Variants in GPHN observed in about 807,000 individuals in gnomAD.
The protein encoded by GPHN is gephyrin.
In GPHN, 17 loss-of-function variants were observed where a neutral mutation model predicts 95.5. The observed-to-expected ratio is 0.18, with a 90% confidence interval of 0.12 to 0.27. The LOEUF (loss-of-function observed/expected upper bound fraction) is 0.27, where lower values mean the gene tolerates loss of function less well. Ranked by LOEUF, GPHN falls within the 10% of genes least tolerant of loss-of-function variation. The pLI is 1.00. For synonymous variants in GPHN, 320 were observed against 322.5 expected (o/e 0.99, Z 0.08); for missense variants, 660 against 978.1 (o/e 0.67, Z 4.34).
chr14:66,717,661 G>T (rs1185576728), intron 2 of GPHN, among the ~76,000 whole-genome samples: 3 of 152,186 alleles, frequency 2.0e-5, no homozygotes, highest in African/African-American at 7.2e-5. Flanking sequence ...ATCTAGGGCT[G>T]AAGTCTGTTA....
At chr14:66,952,369 C>T (rs1264169824) in intron 8 of GPHN, among the ~76,000 whole-genome samples, 2 of 152,184 alleles carry the variant, frequency 1.3e-5, no homozygotes, top group African/African-American at 4.8e-5. Flanking sequence ...TATCAGTACT[C>T]CTTTTTATGG....
At chr14:67,580,047 G>A in the GPHN span, 4 of 621,546 alleles carry the variant, frequency 6.4e-6, no homozygotes, top group African/African-American at 5.5e-5. Flanking sequence ...CCTGGGCAGG[G>A]AGAAAAAAGC....
chr14:67,047,358 G>T (rs866565117), intron 10 of GPHN, among the ~76,000 whole-genome samples: 5 of 137,552 alleles, frequency 3.6e-5, no homozygotes, highest in Admixed American at 7.3e-5. Flanking sequence ...GTGTGTGTGT[G>T]TGTGTTTGTT....
At chr14:67,323,228 TACAC>T in the GPHN span, among the ~76,000 whole-genome samples, 7,223 of 104,722 alleles carry the variant, frequency 0.069, 785 homozygotes, top group East Asian at 0.45. Context: ...TACACATATA[TACAC>T]GTGTGTGTGT....
chr14:67,174,326 C>T (rs552174346), intron 21 of GPHN, among the ~76,000 whole-genome samples: 11 of 149,718 alleles, frequency 7.3e-5, no homozygotes, highest in East Asian at 6.0e-4. Context: ...TGAGAACACA[C>T]GGTGTTTGGT....
chr14:66,608,204 G>A (rs66830445), intron 1 of GPHN, among the ~76,000 whole-genome samples: 47,153 of 151,448 alleles, frequency 0.31, 11,177 homozygotes, highest in African/African-American at 0.64. Context: ...TGTGAATTTC[G>A]AATAGTTTTT....
chr14:66,744,321 G>A lies in GPHN; in HGVS notation c.144-32143G>A, dbSNP rs188883637. On this transcript the variant is annotated intron_variant, in intron 2 of 22. Transcript: ENST00000478722. ...ATTAATCCTTTTCTCAGGGAAGGAA[G>A]ATCTGATCAGCCAATTCACTCCAAG... 7.2e-4 allele frequency among the ~76,000 whole-genome samples: 109 copies of A among 152,296 alleles called. 1 individual carries two copies. The highest frequency in any genetic ancestry group is 2.3e-3 in the African/African-American group (95 of 41,558).
chr14:67,729,651 T>C, the GPHN span: 2 of 600,560 alleles, frequency 3.3e-6, no homozygotes, highest in African/African-American at 1.9e-5. Flanking sequence ...TAAAGAAGAC[T>C]GTCGCTGTTG....
chr14:67,392,584 T>A, the GPHN span: 5 of 1,367,424 alleles, frequency 3.7e-6, no homozygotes, highest in African/African-American at 7.2e-5. Flanking sequence ...CCCATGACTG[T>A]GGCCCCCAGG....
At chr14:66,939,377 A>G (rs1181619103) in intron 8 of GPHN, among the ~76,000 whole-genome samples, 1 of 152,194 alleles carries the variant, frequency 6.6e-6, no homozygotes, top group African/African-American at 2.4e-5. Context: ...GTTGTAGAAA[A>G]AAAACAGGTT....
At chr14:67,391,173 GC>G in the GPHN span, among the ~76,000 whole-genome samples, 1 of 152,084 alleles carries the variant, frequency 6.6e-6, no homozygotes, top group South Asian at 2.1e-4. Context: ...CTACACGTGT[GC>G]CCACATGTGC....
intron 2 of GPHN, among the ~76,000 whole-genome samples, chr14:66,752,348 A>ATG (rs2058398671): frequency 6.6e-6 from 1 of 152,128 alleles, no homozygotes; most frequent in South Asian, 2.1e-4. Context: ...AGCTTTTGAC[A>ATG]TGCTTTCTTC....
intron 9 of GPHN, among the ~76,000 whole-genome samples, chr14:66,987,524 T>A (rs1413829120): frequency 6.6e-6 from 1 of 152,078 alleles, no homozygotes; most frequent in East Asian, 1.9e-4. Flanking sequence ...AAAGATACGT[T>A]TTATAATTAA....
chr14:67,585,924 C>T, the GPHN span: 2 of 1,596,710 alleles, frequency 1.3e-6, no homozygotes, highest in South Asian at 1.1e-5. Flanking sequence ...GAAAGTTTCC[C>T]CACAACTGAC....
chr14:67,579,034 G>A, the GPHN span: 5 of 782,342 alleles, frequency 6.4e-6, no homozygotes, highest in Non-Finnish European at 8.4e-6. Flanking sequence ...ACCTGCCCCA[G>A]CTACAGTTTT....
At chr14:67,466,434 G>A in the GPHN span, among the ~76,000 whole-genome samples, 1 of 152,264 alleles carries the variant, frequency 6.6e-6, no homozygotes, top group East Asian at 1.9e-4. Flanking sequence ...TGGAAAGAGG[G>A]AGGAGGACAG....
intron 1 of GPHN, among the ~76,000 whole-genome samples, chr14:66,516,200 T>A (rs1207213563): frequency 6.7e-6 from 1 of 150,338 alleles, no homozygotes; most frequent in African/African-American, 2.5e-5. Flanking sequence ...GTATTTTTAG[T>A]AGAGACAGAG....
At chr14:67,433,206 T>A in the GPHN span, among the ~76,000 whole-genome samples, 1 of 152,150 alleles carries the variant, frequency 6.6e-6, no homozygotes, top group Non-Finnish European at 1.5e-5. Flanking sequence ...AGCTGATGGA[T>A]GGCTGCTGGC....
At chr14:67,351,970 CCTT>C in the GPHN span, among the ~76,000 whole-genome samples, 3 of 143,480 alleles carry the variant, frequency 2.1e-5, no homozygotes, top group African/African-American at 5.5e-5. Flanking sequence ...ATGAAAAGCT[CCTT>C]AACTTCACAA....
Sources: gnomAD v4.1 joint callset for allele counts (sites outside exome capture counted in the v4.1 genomes callset) on GRCh38, gnomAD v4.1.1 for gene constraint, MANE v1.5 for transcripts, NCBI Gene and HGNC (gene_info 2026-07-23, HGNC 2026-07-21) for gene names.